The following ZSWIM5 variants were observed in gnomAD, a reference collection of about 807,000 sequenced individuals.
ZSWIM5 encodes zinc finger SWIM domain-containing protein 5.
A neutral mutation model predicts 119.6 loss-of-function variants in ZSWIM5; 55 were observed. The ratio of observed to expected loss-of-function variants is 0.46; its 90% CI spans 0.37 to 0.58. The LOEUF (loss-of-function observed/expected upper bound fraction) is 0.58. Ranked by LOEUF, ZSWIM5 falls within the 20% of genes least tolerant of loss-of-function variation. The pLI is 0.00. For missense variants in ZSWIM5, 1,193 were observed against 1,512.8 expected (o/e 0.79, Z 3.51); for synonymous variants, 537 against 606.9 (o/e 0.88, Z 1.69).
intron 1 of ZSWIM5, among the ~76,000 whole-genome samples, chr1:45,157,291 C>T (rs1645832411): frequency 6.6e-6 from 1 of 152,056 alleles, no homozygotes; most frequent in Non-Finnish European, 1.5e-5. Flanking sequence ...CCTCCTGCCT[C>T]AGCCTCCCAA....
In ZSWIM5 at chr1:45,178,185, G is replaced by A. The variant is rs1049760309; in HGVS notation, c.595+27571C>T. ...TCACACCTGTAATCCCAGCACTTTC[G>A]GAGGCTGAGGCAAGCGGATCACCTG... On this transcript the variant is annotated intron_variant, in intron 1 of 13. Transcript: ENST00000359600. Among the ~76,000 whole-genome samples, 7 of 152,132 alleles carry A rather than the reference G, an allele frequency of 4.6e-5. 1 individual carries two copies. The highest frequency in any genetic ancestry group is 2.1e-4 in the South Asian group (1 of 4,820).
At chr1:45,030,524 G>T (rs911877565) in intron 11 of ZSWIM5, among the ~76,000 whole-genome samples, 4 of 152,232 alleles carry the variant, frequency 2.6e-5, no homozygotes, top group African/African-American at 9.6e-5. Context: ...TGGGATTACA[G>T]GCGTGAGCCA....
chr1:45,146,536 T>G (rs979304545), intron 1 of ZSWIM5, among the ~76,000 whole-genome samples: 2 of 145,848 alleles, frequency 1.4e-5, no homozygotes, highest in Admixed American at 1.4e-4. Context: ...GCTTCCCCGG[T>G]TCAAGCAATT....
chr1:45,087,483 G>C (rs1033022057), intron 2 of ZSWIM5, among the ~76,000 whole-genome samples: 1 of 152,178 alleles, frequency 6.6e-6, no homozygotes, highest in Non-Finnish European at 1.5e-5. Flanking sequence ...TGCTAATGTA[G>C]GGTCCTGAAA....
chr1:45,201,158 A>G (rs886499556), intron 1 of ZSWIM5, among the ~76,000 whole-genome samples: 9 of 152,212 alleles, frequency 5.9e-5, no homozygotes, highest in African/African-American at 2.2e-4. Flanking sequence ...AAGACAGCCA[A>G]CAAACCACCA....
chr1:45,069,676 G>A (rs1403004403), intron 2 of ZSWIM5, among the ~76,000 whole-genome samples: 1 of 151,758 alleles, frequency 6.6e-6, no homozygotes, highest in East Asian at 1.9e-4. Flanking sequence ...TGATATTATA[G>A]TTGTAGATAT....
At chr1:45,176,963 G>C (rs1344731309) in intron 1 of ZSWIM5, among the ~76,000 whole-genome samples, 2 of 151,984 alleles carry the variant, frequency 1.3e-5, no homozygotes, top group African/African-American at 4.8e-5. Flanking sequence ...TACCCTTTCA[G>C]GCCACTGCTA....
chr1:45,064,463 G>C (rs1315267502), intron 2 of ZSWIM5, among the ~76,000 whole-genome samples: 1 of 152,072 alleles, frequency 6.6e-6, no homozygotes, highest in Non-Finnish European at 1.5e-5. Flanking sequence ...CACCACATAG[G>C]CATATATTGT....
intron 1 of ZSWIM5, among the ~76,000 whole-genome samples, chr1:45,106,084 C>T (rs545053598): frequency 9.9e-4 from 138 of 139,918 alleles, no homozygotes; most frequent in African/African-American, 3.1e-3. Flanking sequence ...CGCCTCTGCA[C>T]GGCCGCCCCG....
At chr1:45,155,152 T>C (rs1645819701) in intron 1 of ZSWIM5, among the ~76,000 whole-genome samples, 1 of 151,944 alleles carries the variant, frequency 6.6e-6, no homozygotes, top group Non-Finnish European at 1.5e-5. Flanking sequence ...AAAGGACTAA[T>C]ATCCAGAGTC....
At chr1:45,155,233 C>T (rs1380482943) in intron 1 of ZSWIM5, among the ~76,000 whole-genome samples, 2 of 151,906 alleles carry the variant, frequency 1.3e-5, no homozygotes, top group Non-Finnish European at 2.9e-5. Context: ...CATGAATAGA[C>T]AATTCTCAAA....
chr1:45,177,925 T>C (rs1645990815), intron 1 of ZSWIM5, among the ~76,000 whole-genome samples: 2 of 151,880 alleles, frequency 1.3e-5, no homozygotes, highest in Admixed American at 1.3e-4. Flanking sequence ...AATAAATTCA[T>C]TCCACAAGGG....
At chr1:45,145,161 T>C (rs1272543885) in intron 1 of ZSWIM5, among the ~76,000 whole-genome samples, 2 of 152,142 alleles carry the variant, frequency 1.3e-5, no homozygotes, top group South Asian at 4.2e-4. Flanking sequence ...ATATTGACAA[T>C]ACCAAGTGCT....
At chr1:45,181,011 CT>C (rs1251076657) in intron 1 of ZSWIM5, among the ~76,000 whole-genome samples, 1 of 152,088 alleles carries the variant, frequency 6.6e-6, no homozygotes, top group African/African-American at 2.4e-5. Flanking sequence ...ACTGGAAACT[CT>C]AAAAAGCAGA....
In ZSWIM5 at chr1:45,088,613, G is replaced by A. The variant is rs1645345962; in HGVS notation, c.596-376C>T. 6.6e-6 allele frequency among the ~76,000 whole-genome samples: 1 copy of A among 152,016 alleles called. No homozygotes were observed. Among genetic ancestry groups the A allele is most frequent in the Non-Finnish European group, 1.5e-5 (1 of 68,006 alleles). ...CTGTAGTAGATTTTCAGCTCTAGGT[G>A]GTAGGCAAAGACAAGTCTACAAATA... is the stretch of plus-strand genomic sequence containing the variant. On this transcript the variant is annotated intron_variant, in intron 1 of 13. Coordinates refer to ENST00000359600, the MANE Select transcript of ZSWIM5 (RefSeq NM_020883.2). This position sits in a 1 kb window ranked among gnomAD's most constrained non-coding sequence, Gnocchi z 4.2.
At chr1:45,189,591 C>G (rs1479527090) in intron 1 of ZSWIM5, among the ~76,000 whole-genome samples, 1 of 151,628 alleles carries the variant, frequency 6.6e-6, no homozygotes, top group Non-Finnish European at 1.5e-5. Flanking sequence ...CTTATCTCTA[C>G]AAAAAACACA....
At chr1:45,042,157 C>T (rs1645021304) in intron 6 of ZSWIM5, among the ~76,000 whole-genome samples, 2 of 152,080 alleles carry the variant, frequency 1.3e-5, no homozygotes, top group African/African-American at 4.8e-5. Flanking sequence ...ATTCCTGGAT[C>T]ACATGGGATG....
chr1:45,204,749 G>A (rs751746473), intron 1 of ZSWIM5, among the ~76,000 whole-genome samples: 1 of 151,982 alleles, frequency 6.6e-6, no homozygotes, highest in Non-Finnish European at 1.5e-5. Context: ...CAATTAATAC[G>A]AGCATATAGT....
intron 1 of ZSWIM5, among the ~76,000 whole-genome samples, chr1:45,102,879 G>C (rs1645448138): frequency 6.6e-6 from 1 of 151,888 alleles, no homozygotes; most frequent in South Asian, 2.1e-4. Context: ...TTATTTGGTG[G>C]GGGTACAGGG....
Sources: gnomAD v4.1 joint callset for allele counts (sites outside exome capture counted in the v4.1 genomes callset) on GRCh38, gnomAD v4.1.1 for gene constraint, Gnocchi (gnomAD v3.1) non-coding constraint, MANE v1.5 for transcripts, NCBI Gene and HGNC (gene_info 2026-07-23, HGNC 2026-07-21) for gene names.